Variants in VPS13D observed in about 807,000 individuals in gnomAD.
VPS13D encodes the protein intermembrane lipid transfer protein VPS13D.
VPS13D carries 187 observed loss-of-function variants against 461.9 expected under a neutral mutation model. The ratio of observed to expected loss-of-function variants is 0.40; its 90% CI spans 0.36 to 0.46. The LOEUF (loss-of-function observed/expected upper bound fraction) is 0.46. Ranked by LOEUF, VPS13D falls within the 20% of genes least tolerant of loss-of-function variation. The pLI, the probability that VPS13D is intolerant of heterozygous loss-of-function variation, is 0.60. For missense variants in VPS13D, 4,711 were observed against 5,364.9 expected, an observed-to-expected ratio of 0.88 and a Z score of 3.81; for synonymous variants, 1,951 against 1,986.3, an observed-to-expected ratio of 0.98 and a Z score of 0.47.
Position 12,308,126 on chromosome 1 carries a change from C to G in VPS13D, c.6440-305C>G, listed in dbSNP as rs551526276. On this transcript the variant is annotated intron_variant, in intron 26 of 69. Transcript: ENST00000620676. ...TATGGAGTCAGATTTCGTCATCAAT[C>G]CCCCAGCCTCAGTTGTTGTCACAGC... 9.9e-5 allele frequency among the ~76,000 whole-genome samples: 15 copies of G among 152,242 alleles called. No homozygotes were observed. In the South Asian group the frequency reaches 1.7e-3, roughly 17 times the overall value.
intron 66 of VPS13D, among the ~76,000 whole-genome samples, chr1:12,459,144 A>G (rs1328889653): frequency 6.6e-6 from 1 of 152,194 alleles, no homozygotes; most frequent in Non-Finnish European, 1.5e-5. Context: ...GATTCAGCCA[A>G]CCATGGATGG....
chr1:12,266,741 G>T lies in VPS13D; in HGVS notation c.1595-140G>T, dbSNP rs78272367. On this transcript the variant is annotated intron_variant, in intron 13 of 69. Transcript: ENST00000620676. ...CAATATGTGCCTGTAGATAGATAGG[G>T]TTTTTTTGTTTGTTTGTTTAATTTC... 1,194 of 818,756 alleles carry T rather than the reference G, an allele frequency of 1.5e-3. 8 individuals are homozygous for T. In the African/African-American group the frequency reaches 0.019, roughly 13 times the overall value. The allele number at this position is 818,756 out of a possible 1,614,324, so 50.7% of individuals were successfully genotyped here. A position where few individuals can be genotyped will look rare whatever the true frequency, so the allele number is the denominator to read the frequency against.
rs779521606 is a variant in VPS13D at position 12,293,581 on chromosome 1, G to A, written c.5910G>A (p.Arg1970=). The change falls in exon 24 of 70, where the codon CGG becomes CGA. Residue 1970 remains arginine, a synonymous_variant. Coordinates refer to ENST00000620676, the MANE Select transcript of VPS13D (RefSeq NM_015378.4). ...RREHDIRVSL[R]MASVQYVHTQ... is the part of the protein sequence containing the mutation. ...AACACGACATTCGCGTGAGCCTCCGGATGGCCTCTGTGCAGTATGTGCATA... is the reference window on the plus strand; with the variant it reads ...AACACGACATTCGCGTGAGCCTCCGAATGGCCTCTGTGCAGTATGTGCATA... 3.1e-6 allele frequency: 5 copies of A among 1,614,070 alleles called. No individual in the cohort carries two copies. The highest frequency in any genetic ancestry group is 8.5e-7 in the Non-Finnish European group (1 of 1,179,952).
At chr1:12,399,150 T>A (rs1418450642) in intron 60 of VPS13D, among the ~76,000 whole-genome samples, 3 of 152,196 alleles carry the variant, frequency 2.0e-5, no homozygotes, top group Non-Finnish European at 4.4e-5. Flanking sequence ...ATTTTTTGTT[T>A]CATTCAGCAG....
chr1:12,387,682 T>C (rs1644367313), intron 60 of VPS13D, among the ~76,000 whole-genome samples: 1 of 152,072 alleles, frequency 6.6e-6, no homozygotes, highest in African/African-American at 2.4e-5. Context: ...ATGGAAGACA[T>C]AAAAAAACTA....
intron 65 of VPS13D, among the ~76,000 whole-genome samples, chr1:12,438,459 A>G (rs186860827): frequency 2.0e-4 from 31 of 152,352 alleles, no homozygotes; most frequent in African/African-American, 7.2e-4. Context: ...TAAGCCACTC[A>G]GTTAACGGTA....
chr1:12,230,550 A>G (rs557207917), intron 1 of VPS13D, among the ~76,000 whole-genome samples: 51 of 152,228 alleles, frequency 3.4e-4, no homozygotes, highest in African/African-American at 1.2e-3. Context: ...GTCTCAATGC[A>G]GGACCCCAGT....
At chr1:12,267,053 G>A (rs772692211) in intron 14 of VPS13D, 42 bp downstream of exon 14, 1 of 1,473,808 alleles carries the variant, frequency 6.8e-7, no homozygotes, top group South Asian at 1.5e-5. Context: ...TAAGGTGTTG[G>A]TAAATTGTAG....
chr1:12,487,247 A>G (rs1645809132), intron 67 of VPS13D, among the ~76,000 whole-genome samples: 1 of 151,988 alleles, frequency 6.6e-6, no homozygotes, highest in Non-Finnish European at 1.5e-5. Flanking sequence ...ACCCTCCTCC[A>G]TAGTCTCTGT....
intron 13 of VPS13D, among the ~76,000 whole-genome samples, chr1:12,264,916 C>T (rs1320821264): frequency 6.6e-6 from 1 of 152,172 alleles, no homozygotes. Context: ...AAAGAACAGG[C>T]TGACTCTCTT....
At chr1:12,346,488 C>T (rs1484308372) in intron 43 of VPS13D, 117 bp from the exon 44 acceptor site, 1 of 958,410 alleles carries the variant, frequency 1.0e-6, no homozygotes, top group Non-Finnish European at 1.6e-6. Flanking sequence ...GTAGACTATA[C>T]TTTACTTGAA....
chr1:12,260,581 G>C (rs946654371), intron 10 of VPS13D, 112 bp from the exon 11 acceptor site: 3 of 810,654 alleles, frequency 3.7e-6, no homozygotes, highest in Admixed American at 2.1e-5. Context: ...GAAATGCAGG[G>C]GACCAGAGAG....
intron 38 of VPS13D, among the ~76,000 whole-genome samples, chr1:12,334,577 G>T (rs1042349218): frequency 3.9e-5 from 6 of 152,346 alleles, no homozygotes; most frequent in African/African-American, 1.4e-4. Flanking sequence ...GACCAGCCTA[G>T]GCAAAATTGT....
rs74989868 is a variant in VPS13D, at chr1:12,308,138, G to T, written c.6440-293G>T. Among the ~76,000 whole-genome samples the T allele has an allele frequency of 4.6e-5, 7 of 152,284 alleles. No homozygotes were observed. In the South Asian group the frequency reaches 1.5e-3, roughly 32 times the overall value. On this transcript the variant is annotated intron_variant, in intron 26 of 69. Coordinates refer to ENST00000620676, the MANE Select transcript of VPS13D (RefSeq NM_015378.4). ...TTTCGTCATCAATCCCCCAGCCTCA[G>T]TTGTTGTCACAGCATGGGCATGAGA...
In VPS13D at chr1:12,324,151, T is replaced by TGCC. The variant is rs891414226; in HGVS notation, c.7990+372_7990+374dup. On this transcript the variant is annotated intron_variant, in intron 35 of 69. Coordinates refer to ENST00000620676, the MANE Select transcript of VPS13D (RefSeq NM_015378.4). ...CTCGAACTCCTGACTTCAAGTGATC[T>TGCC]GCCCGCTTTGGCCTCCCAAAATGCC... Among the ~76,000 whole-genome samples the TGCC allele has an allele frequency of 3.9e-4, 60 of 152,300 alleles. 1 individual carries two copies. Among genetic ancestry groups the TGCC allele is most frequent in the African/African-American group, 1.4e-3 (57 of 41,578 alleles).
chr1:12,319,696 A>G, intron 32 of VPS13D, 66 bp downstream of exon 32: 1 of 1,606,578 alleles, frequency 6.2e-7, no homozygotes, highest in Non-Finnish European at 8.5e-7. Context: ...CTGGAAGAGA[A>G]TTTTCCCTCT....
chr1:12,465,522 C>G (rs780393542), intron 67 of VPS13D, among the ~76,000 whole-genome samples: 9 of 152,102 alleles, frequency 5.9e-5, no homozygotes, highest in Non-Finnish European at 1.3e-4. Flanking sequence ...CCGGGACCCT[C>G]GGATTGTGCA....
chr1:12,412,211 G>A (rs1002434530), intron 63 of VPS13D, among the ~76,000 whole-genome samples: 1 of 152,196 alleles, frequency 6.6e-6, no homozygotes, highest in Non-Finnish European at 1.5e-5. Context: ...TGGAAGATTC[G>A]GTAAAGTTGT....
rs1357209801 is a variant in VPS13D, at chr1:12,230,103, G to GGCCC, written c.-92_-89dup. 2 of 151,898 alleles carry GGCCC rather than the reference G, an allele frequency of 1.3e-5. No individual in the cohort carries two copies. The highest frequency in any genetic ancestry group is 2.9e-5 in the Non-Finnish European group (2 of 68,008). 9.4% of individuals were successfully genotyped at this position (151,898 alleles called of 1,614,324 possible). A position where few individuals can be genotyped will look rare whatever the true frequency, so the allele number is the denominator to read the frequency against. On this transcript the variant is annotated 5_prime_UTR_variant, in exon 1 of 70. Coordinates refer to ENST00000620676, the MANE Select transcript of VPS13D (RefSeq NM_015378.4). The stretch of plus-strand genomic sequence containing the variant: ...CGCGCAGCGCCGGGCTGGGGCGGGC[G>GGCCC]GCCCGGGACACCGACAGGTAGGGGC...
Sources: allele counts gnomAD v4.1 joint callset (sites outside exome capture counted in the v4.1 genomes callset), GRCh38; gene constraint gnomAD v4.1.1; transcripts MANE v1.5; gene names NCBI Gene and HGNC (gene_info 2026-07-23, HGNC 2026-07-21).